PTPRN2: variants seen among roughly 807,000 people sequenced by gnomAD.
PTPRN2 encodes the protein protein tyrosine phosphatase receptor type N2.
In PTPRN2, 74 loss-of-function variants were observed where a neutral mutation model predicts 118.8. The ratio of observed to expected loss-of-function variants is 0.62; its 90% CI spans 0.52 to 0.76. PTPRN2 has a LOEUF of 0.76. Ranked by LOEUF, PTPRN2 falls within the 30% of genes least tolerant of loss-of-function variation. The pLI is 0.00. For missense variants in PTPRN2, 1,481 were observed against 1,394.4 expected (o/e 1.06, Z -0.99); for synonymous variants, 641 against 608.0 (o/e 1.05, Z -0.80).
At chr7:158,308,053 T>C (rs1026697350) in intron 3 of PTPRN2, among the ~76,000 whole-genome samples, 10 of 152,220 alleles carry the variant, frequency 6.6e-5, no homozygotes, top group African/African-American at 2.4e-4. Flanking sequence ...CCCAGATACC[T>C]GTAATAAATA....
intron 12 of PTPRN2, among the ~76,000 whole-genome samples, chr7:157,840,173 CTGTG>C (rs1023609712): frequency 7.0e-6 from 1 of 142,544 alleles, no homozygotes; most frequent in Non-Finnish European, 1.5e-5. Context: ...CCCTGTGTGA[CTGTG>C]TGACCGTGTG....
intron 1 of PTPRN2, chr7:158,539,740 G>C (rs1451335572): frequency 3.9e-6 from 1 of 258,318 alleles, no homozygotes; most frequent in Non-Finnish European, 7.7e-6. Context: ...TGTGAGCCTG[G>C]AGCTGATGAC....
intron 12 of PTPRN2, among the ~76,000 whole-genome samples, chr7:157,713,147 G>A (rs999127264): frequency 6.6e-6 from 1 of 152,220 alleles, no homozygotes; most frequent in African/African-American, 2.4e-5. Flanking sequence ...GTTTCCATCT[G>A]ATGGTCGCAC....
chr7:157,551,104 C>T (rs1013223616), intron 21 of PTPRN2, among the ~76,000 whole-genome samples: 17 of 152,210 alleles, frequency 1.1e-4, no homozygotes, highest in African/African-American at 9.6e-5. Flanking sequence ...GCAGAAACGA[C>T]GCAGGGGAAC....
chr7:157,818,755 G>T (rs1806600495), intron 12 of PTPRN2, among the ~76,000 whole-genome samples: 1 of 152,158 alleles, frequency 6.6e-6, no homozygotes, highest in East Asian at 1.9e-4. Context: ...TAATTTTAGA[G>T]AAAATGTAAA....
chr7:158,299,875 T>G (rs1800761979), intron 3 of PTPRN2, among the ~76,000 whole-genome samples: 1 of 152,108 alleles, frequency 6.6e-6, no homozygotes, highest in Non-Finnish European at 1.5e-5. Flanking sequence ...AATGAGCACC[T>G]TGGTCTGGGA....
chr7:158,389,182 C>T (rs1217435225), intron 2 of PTPRN2, among the ~76,000 whole-genome samples: 5 of 152,232 alleles, frequency 3.3e-5, no homozygotes, highest in Non-Finnish European at 5.9e-5. Context: ...GAGGCAGGTG[C>T]GGCCACTGAG....
Position 158,174,573 on chromosome 7 carries a change from A to T in PTPRN2, c.550-7282T>A, listed in dbSNP as rs76849163. 4.2e-3 allele frequency among the ~76,000 whole-genome samples: 646 copies of T among 152,256 alleles called. 15 individuals carry two copies. In the East Asian group the frequency reaches 0.06, roughly 14 times the overall value. On this transcript the variant is annotated intron_variant, in intron 5 of 22. Transcript: ENST00000389418. ...TGTCACCCCCGCCATCAGCATCATCAAACCCCTACTGCTGCTGTGTGCCAA... is the reference window on the plus strand; with the variant it reads ...TGTCACCCCCGCCATCAGCATCATCTAACCCCTACTGCTGCTGTGTGCCAA...
At chr7:158,191,260 C>T (rs932850859) in intron 5 of PTPRN2, among the ~76,000 whole-genome samples, 19 of 152,340 alleles carry the variant, frequency 1.2e-4, no homozygotes, top group African/African-American at 4.1e-4. Context: ...AGGGCCACAG[C>T]TCCTGGTGAG....
chr7:157,707,868 CG>C (rs1349809849), intron 12 of PTPRN2, among the ~76,000 whole-genome samples: 1 of 152,212 alleles, frequency 6.6e-6, no homozygotes, highest in African/African-American at 2.4e-5. Flanking sequence ...GGATTACAGG[CG>C]TGAGCCACTG....
rs532606231 is a variant in PTPRN2, at chr7:158,015,956, C to T, written c.1723+65342G>A. 2.6e-5 allele frequency among the ~76,000 whole-genome samples: 4 copies of T among 152,252 alleles called. No homozygotes were observed. Among genetic ancestry groups the T allele is most frequent in the South Asian group, 2.1e-4 (1 of 4,816 alleles). On this transcript the variant is annotated intron_variant, in intron 11 of 22. Transcript: ENST00000389418. The surrounding 1 kb of genome is among the most constrained non-coding windows in gnomAD (Gnocchi z 4.2). ...TGTCTTTCCTCACACGTGGCAGGGA[C>T]GGCTGTGGGGTCCCAGTGTGTCACC...
chr7:157,714,980 G>A lies in PTPRN2; in HGVS notation c.1789-32043C>T, dbSNP rs534019994. On this transcript the variant is annotated intron_variant, in intron 12 of 22. Transcript: ENST00000389418. ...TTCCGAGGCCAGCTCCCCAGGGAAC[G>A]GCGCCCAGCCCCATGTGCTTTTCCT... Among the ~76,000 whole-genome samples, 67 of 152,340 alleles carry A rather than the reference G, an allele frequency of 4.4e-4. No homozygotes were observed. In the South Asian group the frequency reaches 0.011, roughly 25 times the overall value.
intron 2 of PTPRN2, among the ~76,000 whole-genome samples, chr7:158,344,849 G>A (rs1163809154): frequency 6.6e-6 from 1 of 152,226 alleles, no homozygotes; most frequent in Admixed American, 6.5e-5. Context: ...ACCAGCTTGT[G>A]CATCTGTTTC....
At chr7:158,375,566 T>A (rs1237461966) in intron 2 of PTPRN2, among the ~76,000 whole-genome samples, 1 of 152,058 alleles carries the variant, frequency 6.6e-6, no homozygotes, top group Non-Finnish European at 1.5e-5. Context: ...TAGAAGAGGG[T>A]AGTTCCCCGG....
At chr7:158,170,906 G>T (rs777810108) in intron 5 of PTPRN2, among the ~76,000 whole-genome samples, 1 of 151,522 alleles carries the variant, frequency 6.6e-6, no homozygotes, top group Non-Finnish European at 1.5e-5. Flanking sequence ...TATCTGGCAC[G>T]GAAGTGTTAA....
intron 1 of PTPRN2, among the ~76,000 whole-genome samples, chr7:158,562,001 G>A (rs920255730): frequency 3.3e-5 from 5 of 152,196 alleles, no homozygotes; most frequent in African/African-American, 9.7e-5. Context: ...TCTCTCGTGC[G>A]AAGAGATTCA....
chr7:158,230,328 G>A (rs1450504198), intron 3 of PTPRN2, among the ~76,000 whole-genome samples: 1 of 152,178 alleles, frequency 6.6e-6, no homozygotes, highest in Non-Finnish European at 1.5e-5. Context: ...AAACACACCG[G>A]TAAAAGTAAG....
At position 157,812,396 on chromosome 7, in the gene PTPRN2, T is replaced by TGAGGGAGGAG. The variant is rs1554455860; in HGVS notation, c.1788+86267_1788+86276dup. On this transcript the variant is annotated intron_variant, in intron 12 of 22. Transcript: ENST00000389418. The stretch of plus-strand genomic sequence containing the variant: ...CACTCCCTTTGGGGCATGAGGGAGG[T>TGAGGGAGGAG]GAGGGAGGAGGGTGGGAAGAACAAA... Among the ~76,000 whole-genome samples the TGAGGGAGGAG allele has an allele frequency of 4.8e-5, 7 of 146,826 alleles. No individual in the cohort carries two copies. The South Asian group carries it at 6.3e-4, about 13-fold the overall frequency.
In PTPRN2 at chr7:157,674,972, G is replaced by C. The variant is rs1796595180; in HGVS notation, c.2001+7753C>G. Among the ~76,000 whole-genome samples, 1 of 152,196 alleles carries C rather than the reference G, an allele frequency of 6.6e-6. No individual in the cohort carries two copies. On this transcript the variant is annotated intron_variant, in intron 13 of 22. Transcript: ENST00000389418. The surrounding 1 kb of genome is among the most constrained non-coding windows in gnomAD (Gnocchi z 4.5). ...GGGAGCCGGGAGAGCAGAGGCTACA[G>C]GCAGGGAGTGGGGAGACCCAGCCTT...
Sources: gnomAD v4.1 joint callset for allele counts (sites outside exome capture counted in the v4.1 genomes callset) on GRCh38, gnomAD v4.1.1 for gene constraint, Gnocchi (gnomAD v3.1) non-coding constraint, MANE v1.5 for transcripts, NCBI Gene and HGNC (gene_info 2026-07-23, HGNC 2026-07-21) for gene names.